PAK5: variants seen among roughly 807,000 people sequenced by gnomAD.
PAK5 encodes p21 (RAC1) activated kinase 5.
A neutral mutation model predicts 65.9 loss-of-function variants in PAK5; 16 were observed. The ratio of observed to expected loss-of-function variants is 0.24; its 90% CI spans 0.16 to 0.37. The LOEUF (loss-of-function observed/expected upper bound fraction) is 0.37. Among genes scored for constraint, PAK5 ranks in the 10% least tolerant of loss-of-function variants. The pLI is 1.00. For missense variants in PAK5, 785 were observed against 903.9 expected, an observed-to-expected ratio of 0.87 and a Z score of 1.69; for synonymous variants, 371 against 354.9, an observed-to-expected ratio of 1.05 and a Z score of -0.51.
At chr20:9,556,953 T>C (rs1007746124) in intron 7 of PAK5, among the ~76,000 whole-genome samples, 7 of 152,124 alleles carry the variant, frequency 4.6e-5, no homozygotes, top group African/African-American at 1.7e-4. Context: ...TCAGCTCTCA[T>C]CCTGCAGGTT....
chr20:9,543,386 T>C (rs1423363312), intron 8 of PAK5, among the ~76,000 whole-genome samples: 1 of 152,130 alleles, frequency 6.6e-6, no homozygotes, highest in Non-Finnish European at 1.5e-5. Context: ...CCAGTCCCAC[T>C]CACTTTCCTG....
intron 3 of PAK5, among the ~76,000 whole-genome samples, chr20:9,622,256 C>T (rs1413444194): frequency 6.6e-6 from 1 of 152,172 alleles, no homozygotes; most frequent in African/African-American, 2.4e-5. Flanking sequence ...AACAGATGAT[C>T]TAGATCTTCC....
chr20:9,766,256 G>A (rs201972576), intron 1 of PAK5, among the ~76,000 whole-genome samples: 1 of 55,618 alleles, frequency 1.8e-5, no homozygotes, highest in Non-Finnish European at 3.2e-5. Flanking sequence ...ATATATATAT[G>A]TTCTAATTGA....
Position 9,580,212 on chromosome 20 carries a change from G to A in PAK5, c.923C>T (p.Pro308Leu), listed in dbSNP as rs1307918949. Residue 308 changes from proline (P) to leucine (L), a missense_variant, in exon 4 of 10, where the codon CCC becomes CTC. Physicochemically the swap from Pro to Leu is moderately conservative, Grantham distance 98. This residue lies in a region of PAK5 where 422 missense variants were observed against 413.3 expected (regional missense o/e 1.02). Transcript: ENST00000353224. ...PFGASAFKTHPQGHSYNSYTY... is the reference protein window; with the variant it reads ...PFGASAFKTHLQGHSYNSYTY... The stretch of plus-strand genomic sequence containing the variant: ...GTAGGAGTTGTAGGAGTGTCCTTGG[G>A]GATGGGTTTTAAATGCACTTGCTCC... 1 of 1,613,982 alleles carries A rather than the reference G, an allele frequency of 6.2e-7. No homozygotes were observed. The highest frequency in any genetic ancestry group is 2.2e-5 in the East Asian group (1 of 44,876).
intron 3 of PAK5, among the ~76,000 whole-genome samples, chr20:9,631,110 G>C (rs2046915277): frequency 6.6e-6 from 1 of 152,132 alleles, no homozygotes; most frequent in East Asian, 1.9e-4. Flanking sequence ...TTGGGATCTT[G>C]GGCTGGGATG....
rs920825809 is a variant in PAK5, at chr20:9,786,966, G to C, written c.-162+51796C>G. 5.3e-5 allele frequency among the ~76,000 whole-genome samples: 8 copies of C among 152,100 alleles called. 1 individual carries two copies. Among genetic ancestry groups the C allele is most frequent in the Non-Finnish European group, 1.2e-4 (8 of 68,014 alleles). ...AAATAGATTTAAAATAGGCTAATAGGTACTTGCAAGGGATAAATTTAAGTA... is the reference window on the plus strand; with the variant it reads ...AAATAGATTTAAAATAGGCTAATAGCTACTTGCAAGGGATAAATTTAAGTA... On this transcript the variant is annotated intron_variant, in intron 1 of 9. Coordinates refer to ENST00000353224, the MANE Select transcript of PAK5 (RefSeq NM_177990.4).
At chr20:9,564,114 CT>C (rs747437967) in intron 5 of PAK5, among the ~76,000 whole-genome samples, 3 of 152,184 alleles carry the variant, frequency 2.0e-5, no homozygotes, top group Non-Finnish European at 4.4e-5. Context: ...GATACCCTGA[CT>C]TGATATTTTA....
intron 2 of PAK5, among the ~76,000 whole-genome samples, chr20:9,702,840 T>G (rs1569048635): frequency 1.3e-5 from 2 of 152,168 alleles, no homozygotes; most frequent in Non-Finnish European, 2.9e-5. Flanking sequence ...CTACTTAGCC[T>G]CTGTTGTTCT....
At chr20:9,633,010 C>G (rs2046941768) in intron 3 of PAK5, among the ~76,000 whole-genome samples, 2 of 152,094 alleles carry the variant, frequency 1.3e-5, no homozygotes, top group African/African-American at 4.8e-5. Flanking sequence ...AGTTACTACT[C>G]TCTAATTGAA....
chr20:9,599,646 A>G (rs957606380), intron 3 of PAK5, among the ~76,000 whole-genome samples: 3 of 152,076 alleles, frequency 2.0e-5, no homozygotes, highest in African/African-American at 7.2e-5. Flanking sequence ...AGCCATCTAT[A>G]TATCTTCTCT....
intron 1 of PAK5, among the ~76,000 whole-genome samples, chr20:9,726,861 T>G (rs926374330): frequency 2.6e-5 from 4 of 152,144 alleles, no homozygotes; most frequent in African/African-American, 7.2e-5. Context: ...CCAAAAAGGA[T>G]GATCAACTAT....
intron 1 of PAK5, among the ~76,000 whole-genome samples, chr20:9,762,694 T>C (rs562737888): frequency 1.3e-5 from 2 of 152,254 alleles, no homozygotes; most frequent in African/African-American, 4.8e-5. Flanking sequence ...ACATCCATTA[T>C]GGAAAACAGT....
At chr20:9,806,219 C>T (rs182237652) in intron 1 of PAK5, among the ~76,000 whole-genome samples, 165 of 152,168 alleles carry the variant, frequency 1.1e-3, no homozygotes, top group African/African-American at 3.6e-3. Flanking sequence ...GAACTCCTGG[C>T]CTCAAGTGAC....
chr20:9,614,828 A>C (rs2046626059), intron 3 of PAK5, among the ~76,000 whole-genome samples: 1 of 152,248 alleles, frequency 6.6e-6, no homozygotes, highest in African/African-American at 2.4e-5. Context: ...ATGTTCAAAG[A>C]AGTTATTCAA....
rs367704690 is a variant in PAK5 at position 9,559,830 on chromosome 20, GT to G, written c.1617-2097del. 4.4e-3 allele frequency among the ~76,000 whole-genome samples: 664 copies of G among 152,214 alleles called. 6 individuals carry two copies. The highest frequency in any genetic ancestry group is 0.015 in the African/African-American group (634 of 41,550). ...CATACAAAGGCAGGTGACAAGAAAT[GT>G]TTTTGCCTGAAACAGAGGAAGCCTA... On this transcript the variant is annotated intron_variant, in intron 6 of 9. Coordinates refer to ENST00000353224, the MANE Select transcript of PAK5 (RefSeq NM_177990.4).
intron 3 of PAK5, among the ~76,000 whole-genome samples, chr20:9,589,699 T>C (rs1042127452): frequency 6.6e-6 from 1 of 152,180 alleles, no homozygotes; most frequent in Non-Finnish European, 1.5e-5. Flanking sequence ...AGATGGAGTT[T>C]CACCTTTGTT....
At chr20:9,726,036 G>C (rs1250652414) in intron 1 of PAK5, among the ~76,000 whole-genome samples, 1 of 152,010 alleles carries the variant, frequency 6.6e-6, no homozygotes, top group Non-Finnish European at 1.5e-5. Context: ...ATATTTAAAG[G>C]TAGAGAGATA....
At chr20:9,769,301 G>A (rs867311296) in intron 1 of PAK5, among the ~76,000 whole-genome samples, 2 of 152,144 alleles carry the variant, frequency 1.3e-5, no homozygotes, top group Non-Finnish European at 2.9e-5. Flanking sequence ...TCAGTATAGC[G>A]AATATTATCT....
At chr20:9,679,260 T>C (rs944465428) in intron 2 of PAK5, among the ~76,000 whole-genome samples, 3 of 152,220 alleles carry the variant, frequency 2.0e-5, no homozygotes, top group African/African-American at 7.2e-5. Flanking sequence ...TATGTGTCAT[T>C]GACTCTGATA....
Sources: gnomAD v4.1 joint callset for allele counts (sites outside exome capture counted in the v4.1 genomes callset) on GRCh38, gnomAD v4.1.1 for gene constraint, gnomAD v4.1.1 regional missense constraint, MANE v1.5 for transcripts, NCBI Gene and HGNC (gene_info 2026-07-23, HGNC 2026-07-21) for gene names.